Variants in TRPM3 observed in about 807,000 individuals in gnomAD.
TRPM3 encodes transient receptor potential cation channel subfamily M member 3.
TRPM3 carries 77 observed loss-of-function variants against 181.2 expected under a neutral mutation model. That is an observed-to-expected ratio of 0.42 (90% CI 0.35 to 0.51). The LOEUF is 0.51. TRPM3 is among the 20% of genes least tolerant of loss of function. The pLI is 0.01. For synonymous variants in TRPM3, 745 were observed against 796.4 expected (o/e 0.94, Z 1.09); for missense variants, 1,759 against 2,196.7 (o/e 0.80, Z 3.98).
chr9:71,144,663 G>C (rs763212733), intron 1 of TRPM3, among the ~76,000 whole-genome samples: 17 of 152,082 alleles, frequency 1.1e-4, no homozygotes, highest in Non-Finnish European at 2.4e-4. Context: ...ATCCTTACTT[G>C]ACATATCAGC....
intron 1 of TRPM3, among the ~76,000 whole-genome samples, chr9:71,337,427 C>T: frequency 6.6e-6 from 1 of 152,146 alleles, no homozygotes; most frequent in Non-Finnish European, 1.5e-5. Flanking sequence ...CAGGAAGCAA[C>T]AGATGCTGGA....
intron 1 of TRPM3, among the ~76,000 whole-genome samples, chr9:71,132,503 T>C (rs1209642300): frequency 6.6e-6 from 1 of 152,118 alleles, no homozygotes; most frequent in East Asian, 1.9e-4. Flanking sequence ...ATAAGGAACA[T>C]TTTCAGGGTG....
In TRPM3 at chr9:70,998,228, T is replaced by C. The variant is rs28529609; in HGVS notation, c.177+122950A>G. On this transcript the variant is annotated intron_variant, in intron 1 of 25. Coordinates refer to ENST00000677713, the MANE Select transcript of TRPM3 (RefSeq NM_001366145.2). ...ATATATATACACATATATATACATATACACACACACACACACACACACATA... is the reference window on the plus strand; with the variant it reads ...ATATATATACACATATATATACATACACACACACACACACACACACACATA... Among the ~76,000 whole-genome samples, 1,111 of 143,378 alleles carry C rather than the reference T, an allele frequency of 7.7e-3. 20 individuals carry two copies. In the East Asian group the frequency reaches 0.079, roughly 10 times the overall value. The allele number at this position is 143,378 out of a possible 152,430, so 94.1% of individuals were successfully genotyped here.
At chr9:71,148,504 G>C (rs1208814107) in intron 1 of TRPM3, among the ~76,000 whole-genome samples, 1 of 152,012 alleles carries the variant, frequency 6.6e-6, no homozygotes, top group Non-Finnish European at 1.5e-5. Flanking sequence ...TTAATCTCCT[G>C]TCTTGTCTTC....
chr9:70,813,196 C>G (rs180678322), intron 6 of TRPM3, among the ~76,000 whole-genome samples: 4 of 152,212 alleles, frequency 2.6e-5, no homozygotes, highest in Admixed American at 2.0e-4. Context: ...CTTTATATTA[C>G]TAAAGGGCAC....
Position 70,625,142 on chromosome 9 carries a change from T to A in TRPM3, c.1809+49A>T, listed in dbSNP as rs767433842. ...CAAAGAAGCCACAACCCAAATCCCA[T>A]ACACCCTAGTCCTCCCAGGAAGGGC... On this transcript the variant is annotated intron_variant, in intron 14 of 25. Coordinates refer to ENST00000677713, the MANE Select transcript of TRPM3 (RefSeq NM_001366145.2). The surrounding 1 kb of genome is among the most constrained non-coding windows in gnomAD (Gnocchi z 4.8). 2 of 1,604,526 alleles carry A rather than the reference T, an allele frequency of 1.2e-6. No homozygotes were observed. Among genetic ancestry groups the A allele is most frequent in the Non-Finnish European group, 8.5e-7 (1 of 1,173,580 alleles).
chr9:71,293,435 A>G (rs2085992268), intron 1 of TRPM3, among the ~76,000 whole-genome samples: 1 of 151,900 alleles, frequency 6.6e-6, no homozygotes, highest in South Asian at 2.1e-4. Flanking sequence ...AAATACAACA[A>G]ATTAGAAAAA....
chr9:71,223,037 G>A (rs2080339873), intron 1 of TRPM3, among the ~76,000 whole-genome samples: 1 of 152,052 alleles, frequency 6.6e-6, no homozygotes, highest in South Asian at 2.1e-4. Flanking sequence ...GGACTTGGGG[G>A]CTAGGGGCTG....
At chr9:70,595,877 T>C (rs975115433) in intron 21 of TRPM3, among the ~76,000 whole-genome samples, 1 of 152,136 alleles carries the variant, frequency 6.6e-6, no homozygotes. Flanking sequence ...TGAACTGGGG[T>C]TCCGTTTTGG....
intron 1 of TRPM3, among the ~76,000 whole-genome samples, chr9:71,157,059 A>G (rs922612055): frequency 6.6e-6 from 1 of 152,130 alleles, no homozygotes; most frequent in Non-Finnish European, 1.5e-5. Context: ...TCCTTCCCAC[A>G]CACATGGATG....
chr9:70,744,156 C>T (rs956768017), intron 8 of TRPM3, among the ~76,000 whole-genome samples: 5 of 151,678 alleles, frequency 3.3e-5, no homozygotes, highest in African/African-American at 7.3e-5. Flanking sequence ...GGTGAAACCC[C>T]GTCTCTACTA....
At chr9:70,693,145 G>A (rs994502881) in intron 8 of TRPM3, among the ~76,000 whole-genome samples, 5 of 152,142 alleles carry the variant, frequency 3.3e-5, no homozygotes, top group South Asian at 4.1e-4. Flanking sequence ...AGATGACAAC[G>A]TGTCGTCTAC....
chr9:70,748,224 C>T lies in TRPM3; in HGVS notation c.1272+13377G>A, dbSNP rs533161022. Among the ~76,000 whole-genome samples the T allele has an allele frequency of 5.9e-5, 9 of 152,234 alleles. No individual in the cohort carries two copies. In the South Asian group the frequency reaches 1.7e-3, roughly 28 times the overall value. On this transcript the variant is annotated intron_variant, in intron 8 of 25. Transcript: ENST00000677713. Reference sequence around the variant, plus strand: ...CAAAAGTTATGGCCTAATATCTTTGCTTCCATTTATTCCATTAGCACAATT... The same window carrying T: ...CAAAAGTTATGGCCTAATATCTTTGTTTCCATTTATTCCATTAGCACAATT...
intron 1 of TRPM3, among the ~76,000 whole-genome samples, chr9:71,146,036 T>C (rs1343956071): frequency 6.6e-6 from 1 of 152,214 alleles, no homozygotes; most frequent in African/African-American, 2.4e-5. Flanking sequence ...ATTTGTTCTT[T>C]TAGGCATATT....
chr9:71,054,035 T>C (rs963341519), intron 1 of TRPM3, among the ~76,000 whole-genome samples: 1 of 152,166 alleles, frequency 6.6e-6, no homozygotes. Flanking sequence ...GTTTAGATCC[T>C]GGCTTTGCCT....
intron 1 of TRPM3, among the ~76,000 whole-genome samples, chr9:71,436,294 CT>C (rs2094034912): frequency 2.2e-5 from 1 of 45,522 alleles, no homozygotes; most frequent in African/African-American, 4.2e-5. Flanking sequence ...TTTTTTTTTT[CT>C]TTCTTTTTTT....
At chr9:70,666,926 C>T (rs2061925592) in intron 9 of TRPM3, among the ~76,000 whole-genome samples, 1 of 151,626 alleles carries the variant, frequency 6.6e-6, no homozygotes, top group Non-Finnish European at 1.5e-5. Flanking sequence ...TAATGCTATC[C>T]TATTTTTAAT....
At chr9:71,052,935 G>C (rs2060220759) in intron 1 of TRPM3, among the ~76,000 whole-genome samples, 1 of 151,630 alleles carries the variant, frequency 6.6e-6, no homozygotes, top group Admixed American at 6.6e-5. Context: ...TATTTTTATG[G>C]CAAATAAAAT....
chr9:71,088,313 C>A (rs1312045006), intron 1 of TRPM3, among the ~76,000 whole-genome samples: 2 of 152,026 alleles, frequency 1.3e-5, no homozygotes, highest in African/African-American at 4.8e-5. Flanking sequence ...TTGACTGGGG[C>A]ATTTGCAGAT....
Sources: allele counts gnomAD v4.1 joint callset (sites outside exome capture counted in the v4.1 genomes callset), GRCh38; gene constraint gnomAD v4.1.1; non-coding constraint Gnocchi (gnomAD v3.1); transcripts MANE v1.5; gene names NCBI Gene and HGNC (gene_info 2026-07-23, HGNC 2026-07-21).